Variants in TLK1 observed in about 807,000 individuals in gnomAD.
TLK1 encodes the protein tousled like kinase 1.
A neutral mutation model predicts 105.3 loss-of-function variants in TLK1; 24 were observed. The observed-to-expected ratio is 0.23, with a 90% CI of 0.17 to 0.32. The LOEUF (loss-of-function observed/expected upper bound fraction) is 0.32. Ranked by LOEUF, TLK1 falls within the 10% of genes least tolerant of loss-of-function variation. The probability of loss-of-function intolerance (pLI) is 1.00; values close to 1 mark genes in which losing one functional copy is unlikely to be tolerated. For synonymous variants in TLK1, 321 were observed against 310.4 expected, an observed-to-expected ratio of 1.03 and a Z score of -0.36; for missense variants, 558 against 910.5, an observed-to-expected ratio of 0.61 and a Z score of 4.98.
At chr2:171,143,998 G>C (rs772237578) in intron 1 of TLK1, among the ~76,000 whole-genome samples, 1 of 152,100 alleles carries the variant, frequency 6.6e-6, no homozygotes, top group Non-Finnish European at 1.5e-5. Flanking sequence ...AGAGTAAATG[G>C]ATGGGAAAAA....
chr2:171,166,441 C>T (rs545829317), intron 1 of TLK1, among the ~76,000 whole-genome samples: 9 of 152,346 alleles, frequency 5.9e-5, no homozygotes, highest in African/African-American at 1.9e-4. Context: ...AGGCCAAATG[C>T]CCCACCACCC....
chr2:171,223,223 T>C (rs1167540688), intron 1 of TLK1, among the ~76,000 whole-genome samples: 9 of 152,208 alleles, frequency 5.9e-5, no homozygotes, highest in African/African-American at 2.2e-4. Flanking sequence ...GGAACCTCCA[T>C]ACTGTTTGCC....
chr2:171,172,273 G>T (rs556657983), intron 1 of TLK1, among the ~76,000 whole-genome samples: 1 of 152,250 alleles, frequency 6.6e-6, no homozygotes, highest in East Asian at 1.9e-4. Context: ...TAGGAGGGAG[G>T]CTTCTGAGTG....
intron 1 of TLK1, among the ~76,000 whole-genome samples, chr2:171,137,724 C>A (rs559379963): frequency 6.6e-6 from 1 of 152,096 alleles, no homozygotes; most frequent in Non-Finnish European, 1.5e-5. Context: ...CAGCGTGTGC[C>A]TGTAGTCCCA....
intron 2 of TLK1, among the ~76,000 whole-genome samples, chr2:171,098,987 G>T (rs1236506547): frequency 1.3e-5 from 2 of 152,148 alleles, no homozygotes; most frequent in Non-Finnish European, 2.9e-5. Context: ...GGACATTTAT[G>T]AAGCACTCAC....
At chr2:171,038,960 C>T (rs930217539) in intron 11 of TLK1, among the ~76,000 whole-genome samples, 2 of 151,928 alleles carry the variant, frequency 1.3e-5, no homozygotes, top group African/African-American at 4.8e-5. Flanking sequence ...GTGGATCTGT[C>T]TATTATTATT....
intron 18 of TLK1, among the ~76,000 whole-genome samples, chr2:171,005,329 CTG>C (rs1315710477): frequency 6.6e-6 from 1 of 152,200 alleles, no homozygotes; most frequent in Non-Finnish European, 1.5e-5. Flanking sequence ...ATCTATGAAT[CTG>C]TGATTATATC....
chr2:171,047,335 C>T (rs1437943679), intron 10 of TLK1, among the ~76,000 whole-genome samples: 1 of 141,764 alleles, frequency 7.1e-6, no homozygotes, highest in Non-Finnish European at 1.6e-5. Context: ...CCTCACTATG[C>T]CAATAAAAAA....
At chr2:171,187,443 C>T (rs571054406) in intron 1 of TLK1, among the ~76,000 whole-genome samples, 1 of 152,256 alleles carries the variant, frequency 6.6e-6, no homozygotes, top group East Asian at 1.9e-4. Context: ...TGACTCAATA[C>T]CATTAAAAGT....
intron 3 of TLK1, among the ~76,000 whole-genome samples, chr2:171,076,863 G>A (rs1367736108): frequency 4.6e-5 from 7 of 151,672 alleles, no homozygotes; most frequent in African/African-American, 1.2e-4. Context: ...GCAGTGAGCC[G>A]AGATGGCGCC....
chr2:171,103,677 T>C (rs942791040), intron 2 of TLK1, among the ~76,000 whole-genome samples: 1 of 152,230 alleles, frequency 6.6e-6, no homozygotes, highest in African/African-American at 2.4e-5. Context: ...TCATTTACTG[T>C]GTTAATACAT....
rs1297139195 is a variant in TLK1 at position 171,160,312 on chromosome 2, C to T, written c.117G>A (p.Pro39=). The part of the protein sequence containing the change: ...AAARSLLNHT[P]PSGRPREGAM... ...TACCTTCCCTGGGCCTCCCGGATGG[C>T]GGCGTGTGATTCAGCAGGGACCTGG... The change falls in exon 1 of 21, where the codon CCG becomes CCA. Residue 39 remains proline (P), a synonymous_variant. Transcript: ENST00000431350. This position sits in a 1 kb window ranked among gnomAD's most constrained non-coding sequence, Gnocchi z 4.4. The T allele has an allele frequency of 6.3e-7, 1 of 1,588,914 alleles. No individual in the cohort carries two copies. Among genetic ancestry groups the T allele is most frequent in the Non-Finnish European group, 8.5e-7 (1 of 1,170,272 alleles).
At chr2:171,109,815 T>TA (rs1168086640) in intron 2 of TLK1, among the ~76,000 whole-genome samples, 1 of 152,208 alleles carries the variant, frequency 6.6e-6, no homozygotes, top group Non-Finnish European at 1.5e-5. Context: ...AATTAACTAC[T>TA]AAAACAGCAA....
In TLK1 at chr2:171,056,492, T is replaced by C; in HGVS notation, c.528A>G (p.Ser176=). 6.2e-7 allele frequency: 1 copy of C among 1,611,712 alleles called. No homozygotes were observed. The highest frequency in any genetic ancestry group is 8.5e-7 in the Non-Finnish European group (1 of 1,178,984). ...PAIRSPQNSH[S]HSTPSSSVRP... ...TTACAGATGAGGAAGGAGTGGAATGTGAATGTGAATTTTGAGGAGAACGGA... is the reference window on the plus strand; with the variant it reads ...TTACAGATGAGGAAGGAGTGGAATGCGAATGTGAATTTTGAGGAGAACGGA... Residue 176 remains serine, a synonymous_variant, in exon 6 of 21, where the codon TCA becomes TCG. Coordinates refer to ENST00000431350, the MANE Select transcript of TLK1 (RefSeq NM_012290.5).
chr2:171,117,668 T>A (rs1048497810), intron 2 of TLK1, 71 bp downstream of exon 2: 2 of 1,192,986 alleles, frequency 1.7e-6, no homozygotes, highest in Admixed American at 2.1e-5. Flanking sequence ...TATGTAGGAA[T>A]CCTTTACATA....
intron 12 of TLK1, 56 bp downstream of exon 12, chr2:171,028,283 T>A: frequency 1.6e-6 from 2 of 1,278,660 alleles, no homozygotes; most frequent in Non-Finnish European, 1.1e-6. Context: ...ATAACACAAC[T>A]TCCCACAAAT....
At chr2:171,025,118 C>G (rs895275191) in intron 12 of TLK1, among the ~76,000 whole-genome samples, 4 of 152,170 alleles carry the variant, frequency 2.6e-5, no homozygotes, top group African/African-American at 4.8e-5. Flanking sequence ...GACTCTCATT[C>G]CTTACTCTAT....
At chr2:171,048,374 T>C (rs189951107) in intron 10 of TLK1, among the ~76,000 whole-genome samples, 5 of 152,366 alleles carry the variant, frequency 3.3e-5, no homozygotes, top group Middle Eastern at 3.4e-3. Flanking sequence ...CTGGGTTTAG[T>C]AGCAGAGCCT....
chr2:171,198,804 G>C (rs577850896), intron 1 of TLK1, among the ~76,000 whole-genome samples: 1 of 152,290 alleles, frequency 6.6e-6, no homozygotes, highest in African/African-American at 2.4e-5. Flanking sequence ...GCTTGTTTTA[G>C]TTCTTTACTG....
Sources: allele counts gnomAD v4.1 joint callset (sites outside exome capture counted in the v4.1 genomes callset), GRCh38; gene constraint gnomAD v4.1.1; non-coding constraint Gnocchi (gnomAD v3.1); transcripts MANE v1.5; gene names NCBI Gene and HGNC (gene_info 2026-07-23, HGNC 2026-07-21).